WDR62: variants seen among roughly 807,000 people sequenced by gnomAD.
The protein encoded by WDR62 is WD repeat-containing protein 62.
In WDR62, 112 loss-of-function variants were observed where a neutral mutation model predicts 160.6. The ratio of observed to expected loss-of-function variants is 0.70; its 90% CI spans 0.60 to 0.82. The LOEUF is 0.82. Ranked by LOEUF, WDR62 falls within the 40% of genes least tolerant of loss-of-function variation. WDR62 has a pLI of 0.00. For missense variants in WDR62, 1,819 were observed against 1,983.8 expected, an observed-to-expected ratio of 0.92 and a Z score of 1.58; for synonymous variants, 792 against 815.1, an observed-to-expected ratio of 0.97 and a Z score of 0.48.
At chr19:36,094,006 T>C in intron 19 of WDR62, 25 bp from the exon 20 acceptor site, 1 of 1,613,162 alleles carries the variant, frequency 6.2e-7, no homozygotes, top group Non-Finnish European at 8.5e-7. Context: ...TATTCTCTCC[T>C]TACCATCCTC....
chr19:36,094,647 T>C (rs1972847747), intron 20 of WDR62, among the ~76,000 whole-genome samples: 2 of 151,824 alleles, frequency 1.3e-5, no homozygotes, highest in African/African-American at 4.8e-5. Context: ...TTTAGCACTT[T>C]GGGAGGCTGA....
chr19:36,102,025 C>T lies in WDR62; in HGVS notation c.3094C>T (p.Pro1032Ser). ...SLPHFPGCAG[P>S]TEDELSLPEG... The stretch of plus-strand genomic sequence containing the variant: ...TCCTTCCCTGTCAGGATGCGCAGGT[C>T]CCACAGAAGATGAGCTGTCCCTGCC... The change falls in exon 26 of 32, where the codon CCC (proline) becomes TCC (serine). Residue 1032 changes from proline (P) to serine (S), a missense_variant. Physicochemically the swap from Pro to Ser is moderately conservative, Grantham distance 74. Around this residue, in one of 3 missense-constraint regions of WDR62, gnomAD observed 770 missense variants for 734.2 expected, o/e 1.05. Coordinates refer to ENST00000401500, the MANE Select transcript of WDR62 (RefSeq NM_001083961.2). The T allele has an allele frequency of 6.2e-7, 1 of 1,614,180 alleles. No homozygotes were observed.
Position 36,066,387 on chromosome 19 carries a change from G to A in WDR62, c.521G>A (p.Gly174Asp). 1.2e-6 allele frequency: 2 copies of A among 1,612,116 alleles called. No individual in the cohort carries two copies. Among genetic ancestry groups the A allele is most frequent in the Non-Finnish European group, 1.7e-6 (2 of 1,179,114 alleles). Residue 174 changes from glycine to aspartate, a missense_variant, in exon 5 of 32, where the codon GGC (glycine) becomes GAC (aspartate). Gly to Asp is a moderately conservative substitution (Grantham distance 94, BLOSUM62 -1). Around this residue, in one of 3 missense-constraint regions of WDR62, gnomAD observed 934 missense variants for 1,157.2 expected, o/e 0.81. Coordinates refer to ENST00000401500, the MANE Select transcript of WDR62 (RefSeq NM_001083961.2). ...AATATGAAGCACATCGTGTCCATGG[G>A]CTACCAACATGACATGGTGCTCAAC... is the stretch of plus-strand genomic sequence containing the variant. ...SPNMKHIVSMGYQHDMVLNVW... is the reference protein window; with the variant it reads ...SPNMKHIVSMDYQHDMVLNVW...
intron 3 of WDR62, among the ~76,000 whole-genome samples, chr19:36,064,500 C>G (rs986469558): frequency 6.6e-6 from 1 of 152,072 alleles, no homozygotes; most frequent in African/African-American, 2.4e-5. Context: ...AGGGTGGTCT[C>G]GATCTCCTGA....
At chr19:36,067,789 G>C (rs1178511184) in intron 6 of WDR62, 39 bp from the exon 7 acceptor site, 20 of 1,609,552 alleles carry the variant, frequency 1.2e-5, no homozygotes, top group Non-Finnish European at 1.7e-5. Flanking sequence ...GGGCCCAGCT[G>C]TGTGGACAAG....
rs1280060177 is a variant in WDR62, at chr19:36,103,760, C to T, written c.3932C>T (p.Pro1311Leu). ...LSSACDGLLQ[P>L]PVDTQPGVTV... Reference sequence around the variant, plus strand: ...AGTGCCTGTGATGGGCTCCTGCAGCCCCCCGTGGATACCCAGCCTGGCGTC... The same window carrying T: ...AGTGCCTGTGATGGGCTCCTGCAGCTCCCCGTGGATACCCAGCCTGGCGTC... Residue 1311 changes from proline to leucine, a missense_variant, in exon 30 of 32, where the codon CCC becomes CTC. Coordinates refer to ENST00000401500, the MANE Select transcript of WDR62 (RefSeq NM_001083961.2). 1.1e-5 allele frequency: 18 copies of T among 1,610,842 alleles called. No homozygotes were observed. Among genetic ancestry groups the T allele is most frequent in the Non-Finnish European group, 1.5e-5 (18 of 1,179,812 alleles).
At chr19:36,104,218 C>T (rs1973593059) in intron 30 of WDR62, among the ~76,000 whole-genome samples, 1 of 152,220 alleles carries the variant, frequency 6.6e-6, no homozygotes, top group South Asian at 2.1e-4. Context: ...AATGCCCAGA[C>T]TAAACCTTTA....
intron 13 of WDR62, among the ~76,000 whole-genome samples, chr19:36,088,277 G>A (rs757924370): frequency 6.6e-6 from 1 of 152,128 alleles, no homozygotes; most frequent in Admixed American, 6.5e-5. Context: ...TTGCACTCCA[G>A]CCTGGGCAAC....
intron 20 of WDR62, among the ~76,000 whole-genome samples, chr19:36,094,548 C>G (rs2016406): frequency 6.7e-6 from 1 of 148,648 alleles, no homozygotes; most frequent in Admixed American, 6.7e-5. Flanking sequence ...AGCAAGACTC[C>G]GTCTCAAAAA....
chr19:36,109,760 A>C (rs572912546), downstream of WDR62, among the ~76,000 whole-genome samples: 15 of 149,438 alleles, frequency 1.0e-4, no homozygotes, highest in South Asian at 2.1e-4. Context: ...CAAAACAAAA[A>C]AAATAAAAAC....
intron 1 of WDR62, among the ~76,000 whole-genome samples, chr19:36,056,862 T>C (rs1970400272): frequency 1.3e-5 from 2 of 151,570 alleles, no homozygotes; most frequent in South Asian, 4.2e-4. Flanking sequence ...CAGGCTGTAG[T>C]GCACTGGGTT....
intron 9 of WDR62, among the ~76,000 whole-genome samples, chr19:36,079,815 T>C (rs2145692832): frequency 6.6e-6 from 1 of 152,330 alleles, no homozygotes; most frequent in Admixed American, 6.5e-5. Flanking sequence ...CTCACTTGTA[T>C]TTTGGGGTTT....
downstream of WDR62, among the ~76,000 whole-genome samples, chr19:36,106,761 A>C (rs755691250): frequency 2.6e-5 from 4 of 152,230 alleles, no homozygotes; most frequent in African/African-American, 9.6e-5. Flanking sequence ...TTGTTGCTTC[A>C]TAACATTTAA....
At chr19:36,074,856 G>GC (rs1389575697) in intron 9 of WDR62, among the ~76,000 whole-genome samples, 2 of 152,078 alleles carry the variant, frequency 1.3e-5, no homozygotes, top group Non-Finnish European at 2.9e-5. Flanking sequence ...TGACTTCCCT[G>GC]CCCCCAGTTC....
chr19:36,068,008 A>T lies in WDR62; in HGVS notation c.880A>T (p.Lys294Ter). The change falls in exon 7 of 32, where the codon AAG (lysine) becomes TAG (stop). Residue 294 changes from lysine to a stop codon, truncating the protein, a stop_gained and splice_region_variant. Transcript: ENST00000401500. LOFTEE classifies it high-confidence loss of function. ...KRVLEKWINL[K>*]VSLSSCLCVS... ...GGTGCTGGAGAAGTGGATCAACCTGAAGGTACCACCTCCCTCTCTGCCATC... is the reference window on the plus strand; with the variant it reads ...GGTGCTGGAGAAGTGGATCAACCTGTAGGTACCACCTCCCTCTCTGCCATC... 3.7e-6 allele frequency: 6 copies of T among 1,613,396 alleles called. No homozygotes were observed. Among genetic ancestry groups the T allele is most frequent in the Non-Finnish European group, 5.1e-6 (6 of 1,179,672 alleles).
intron 30 of WDR62, among the ~76,000 whole-genome samples, 197 bp downstream of exon 30, chr19:36,104,178 A>C (rs879416908): frequency 6.6e-6 from 1 of 152,248 alleles, no homozygotes; most frequent in Admixed American, 6.5e-5. Context: ...GTGGTAAACA[A>C]CACAGAGAAC....
In WDR62 at chr19:36,071,605, G is replaced by C; in HGVS notation, c.932G>C (p.Gly311Ala). The change falls in exon 8 of 32, where the codon GGC becomes GCC. Residue 311 changes from glycine (G) to alanine (A), a missense_variant. Gly to Ala is a moderately conservative substitution (Grantham distance 60). Coordinates refer to ENST00000401500, the MANE Select transcript of WDR62 (RefSeq NM_001083961.2). ...GTCAGCCAGGAGCTCATCTTCTGTG[G>C]CTGCACAGATGGGATAGTCCGCATC... ...LCVSQELIFC[G>A]CTDGIVRIFQ... The C allele has an allele frequency of 6.2e-7, 1 of 1,614,194 alleles. No homozygotes were observed.
chr19:36,106,451 A>G (rs1453940483), downstream of WDR62, among the ~76,000 whole-genome samples: 1 of 151,992 alleles, frequency 6.6e-6, no homozygotes, highest in Non-Finnish European at 1.5e-5. Context: ...ACCTGCCCTC[A>G]TGGCCACTCA....
chr19:36,095,179 T>C (rs925236263), intron 20 of WDR62, among the ~76,000 whole-genome samples: 7 of 152,200 alleles, frequency 4.6e-5, no homozygotes, highest in African/African-American at 1.4e-4. Context: ...AGACAGATGA[T>C]GTTAAAAGGA....
Sources: gnomAD v4.1 joint callset for allele counts (sites outside exome capture counted in the v4.1 genomes callset) on GRCh38, gnomAD v4.1.1 for gene constraint, gnomAD v4.1.1 regional missense constraint, MANE v1.5 for transcripts, NCBI Gene and HGNC (gene_info 2026-07-23, HGNC 2026-07-21) for gene names.